Variants in C5orf58 observed in about 807,000 individuals in gnomAD.
C5orf58 encodes putative uncharacterized protein C5orf58.
A neutral mutation model predicts 2.9 loss-of-function variants in C5orf58; 2 were observed. That is an observed-to-expected ratio of 0.69 (90% confidence interval 0.28 to 2.18). The LOEUF is 2.18. Among genes scored for constraint, C5orf58 ranks in the 30% most tolerant of loss-of-function variants. The pLI is 0.13. For missense variants in C5orf58, 96 were observed against 91.7 expected (o/e 1.05, Z -0.19); for synonymous variants, 37 against 33.4 (o/e 1.11, Z -0.37).
downstream of C5orf58, among the ~76,000 whole-genome samples, chr5:170,249,328 CA>C (rs796502017): frequency 2.2e-5 from 3 of 135,210 alleles, no homozygotes; most frequent in Non-Finnish European, 3.1e-5. Context: ...AACTCCATCT[CA>C]AAAAAAAATA....
Position 170,232,998 on chromosome 5 carries a change from G to T in C5orf58, c.-94G>T. 3.0e-6 allele frequency: 3 copies of T among 984,834 alleles called. No homozygotes were observed. The highest frequency in any genetic ancestry group is 2.4e-6 in the Non-Finnish European group (2 of 829,386). 61.0% of individuals were successfully genotyped at this position (984,834 alleles called of 1,614,324 possible). A position where few individuals can be genotyped will look rare whatever the true frequency, so the allele number is the denominator to read the frequency against. ...CTGCTCCTGTCAGAACCTCGGTGAC[G>T]GTTGGCCAGGTGGGTAGTGACGGCT... On this transcript the variant is annotated 5_prime_UTR_variant, in exon 1 of 4. Coordinates refer to ENST00000593851, the MANE Select transcript of C5orf58 (RefSeq NM_001102609.3).
intron 1 of C5orf58, 61 bp from the exon 2 acceptor site, chr5:170,234,054 G>T: frequency 1.0e-6 from 1 of 998,220 alleles, no homozygotes; most frequent in East Asian, 5.2e-5. Flanking sequence ...ACATCCTGGA[G>T]AATGGGGTCT....
chr5:170,245,923 T>C, intron 3 of C5orf58, 39 bp from the exon 4 acceptor site: 2 of 1,575,284 alleles, frequency 1.3e-6, no homozygotes, highest in South Asian at 1.2e-5. Flanking sequence ...TTATGACATA[T>C]GTGCTACAAT....
downstream of C5orf58, chr5:170,251,035 A>G (rs894253857): frequency 3.3e-6 from 2 of 606,698 alleles, no homozygotes; most frequent in Non-Finnish European, 5.8e-6. Context: ...TTCAACGAAC[A>G]TTCAGTTCTC....
intron 3 of C5orf58, among the ~76,000 whole-genome samples, chr5:170,236,438 C>T (rs1456562750): frequency 6.6e-6 from 1 of 152,146 alleles, no homozygotes; most frequent in East Asian, 1.9e-4. Flanking sequence ...ATTTACAGTA[C>T]ATATTAAGAA....
downstream of C5orf58, chr5:170,248,464 T>A (rs1282354113): frequency 4.8e-6 from 2 of 420,918 alleles, no homozygotes; most frequent in African/African-American, 4.3e-5. Context: ...ACTACTAGAC[T>A]TCAAGTGTGA....
At chr5:170,243,863 C>A (rs965206500) in intron 3 of C5orf58, among the ~76,000 whole-genome samples, 1 of 148,178 alleles carries the variant, frequency 6.7e-6, no homozygotes, top group Non-Finnish European at 1.5e-5. Context: ...GATGCAGTTT[C>A]TTCCTAGTCT....
At chr5:170,251,157 C>T (rs1761429877), downstream of C5orf58, 4 of 337,502 alleles carry the variant, frequency 1.2e-5, no homozygotes, top group African/African-American at 4.3e-5. Context: ...CTGATAAAAA[C>T]GGAATCTTTT....
downstream of C5orf58, chr5:170,247,203 G>T (rs543434858): frequency 1.3e-5 from 2 of 152,152 alleles, no homozygotes; most frequent in East Asian, 3.9e-4. Flanking sequence ...TGAATAGCCC[G>T]TTGTGTAGAC....
At position 170,245,087 on chromosome 5, in the gene C5orf58, G is replaced by A. The variant is rs193265178; in HGVS notation, c.95-875G>A. On this transcript the variant is annotated intron_variant, in intron 3 of 3. Transcript: ENST00000593851. ...GCTGGGGGGTGCCTCCCAGTTAGCC[G>A]GGTCAGGGGTCAGGGACCCACTTGA... Among the ~76,000 whole-genome samples the A allele has an allele frequency of 1.7e-3, 261 of 152,168 alleles. 1 individual carries two copies. Among genetic ancestry groups the A allele is most frequent in the Non-Finnish European group, 3.3e-3 (221 of 67,956 alleles).
intron 1 of C5orf58, 93 bp downstream of exon 1, chr5:170,233,100 C>A: frequency 2.1e-6 from 1 of 474,834 alleles, no homozygotes; most frequent in Non-Finnish European, 2.8e-6. Context: ...GAGGCTCCAC[C>A]TTCCACCACC....
rs1020284775 is a variant in C5orf58 at position 170,233,901 on chromosome 5, A to G, written c.-84-214A>G. Reference sequence around the variant, plus strand: ...ACTGTCTTGGGCTCTAAAATCATTTAGTTTCTACTTTACTATTTTTAAAAA... The same window carrying G: ...ACTGTCTTGGGCTCTAAAATCATTTGGTTTCTACTTTACTATTTTTAAAAA... On this transcript the variant is annotated intron_variant, in intron 1 of 3. Transcript: ENST00000593851. 8 of 359,914 alleles carry G rather than the reference A, an allele frequency of 2.2e-5. 1 individual carries two copies. The highest frequency in any genetic ancestry group is 1.5e-4 in the African/African-American group (7 of 46,708). The allele number at this position is 359,914 out of a possible 1,614,324, so 22.3% of individuals were successfully genotyped here. A position where few individuals can be genotyped will look rare whatever the true frequency, so the allele number is the denominator to read the frequency against.
intron 3 of C5orf58, among the ~76,000 whole-genome samples, chr5:170,245,065 G>GT (rs1289498925): frequency 1.9e-5 from 1 of 51,488 alleles, no homozygotes; most frequent in Non-Finnish European, 5.8e-5. Flanking sequence ...TGCCCCTGCT[G>GT]GGGGGTGCCT....
At position 170,235,088 on chromosome 5, in the gene C5orf58, A is replaced by G; in HGVS notation, c.94+18A>G. 1 of 1,210,280 alleles carries G rather than the reference A, an allele frequency of 8.3e-7. No individual in the cohort carries two copies. The allele number at this position is 1,210,280 out of a possible 1,614,324, so 75.0% of individuals were successfully genotyped here. ...GATAAAAGGTAAGTATTGAATCACT[A>G]AAATGTTTGCATGTCATTGTTATAA... On this transcript the variant is annotated intron_variant, in intron 3 of 3. Transcript: ENST00000593851.
chr5:170,251,470 A>C, intron 2 of C5orf58: 1 of 261,138 alleles, frequency 3.8e-6, no homozygotes, highest in South Asian at 3.9e-5. Flanking sequence ...TGTACTTTAA[A>C]TTTCCATTCA....
At chr5:170,250,287 G>A (rs1761405984), downstream of C5orf58, among the ~76,000 whole-genome samples, 1 of 152,182 alleles carries the variant, frequency 6.6e-6, no homozygotes, top group Non-Finnish European at 1.5e-5. Context: ...CATCCTCACA[G>A]AGCCAAACCT....
intron 3 of C5orf58, among the ~76,000 whole-genome samples, chr5:170,236,208 T>C (rs1237763957): frequency 6.6e-6 from 1 of 151,864 alleles, no homozygotes; most frequent in Non-Finnish European, 1.5e-5. Context: ...AATCAAGCTG[T>C]GACTCCAAGA....
At chr5:170,245,910 T>G in intron 3 of C5orf58, 52 bp from the exon 4 acceptor site, 1 of 1,532,022 alleles carries the variant, frequency 6.5e-7, no homozygotes, top group Non-Finnish European at 8.9e-7. Context: ...CAATAATAGT[T>G]TTTTATGACA....
chr5:170,246,083 A>G lies in C5orf58; in HGVS notation c.216A>G (p.Val72=). 1 of 1,612,774 alleles carries G rather than the reference A, an allele frequency of 6.2e-7. No homozygotes were observed. Among genetic ancestry groups the G allele is most frequent in the Non-Finnish European group, 8.5e-7 (1 of 1,179,288 alleles). Residue 72 remains valine, a synonymous_variant, in exon 4 of 4, where the codon GTA becomes GTG. Coordinates refer to ENST00000593851, the MANE Select transcript of C5orf58 (RefSeq NM_001102609.3). ...TTGAAGAGTCTAAAATATCAGATGT[A>G]TCCCTTGTTTCTAACAGTTTTTCTA... ...PLFEESKISD[V]SLVSNSFSI
Sources: gnomAD v4.1 joint callset for allele counts (sites outside exome capture counted in the v4.1 genomes callset) on GRCh38, gnomAD v4.1.1 for gene constraint, MANE v1.5 for transcripts, NCBI Gene and HGNC (gene_info 2026-07-23, HGNC 2026-07-21) for gene names.